The following DSCAM variants were observed in gnomAD, a reference collection of about 807,000 sequenced individuals.
The protein encoded by DSCAM is cell adhesion molecule DSCAM.
In DSCAM, 47 loss-of-function variants were observed where a neutral mutation model predicts 217.7. That is an observed-to-expected ratio of 0.22 (90% CI 0.17 to 0.28). The LOEUF (loss-of-function observed/expected upper bound fraction) is 0.28, where lower values mean the gene tolerates loss of function less well. Among genes scored for constraint, DSCAM ranks in the 10% least tolerant of loss-of-function variants. The pLI, the probability that DSCAM is intolerant of heterozygous loss-of-function variation, is 1.00. For synonymous variants in DSCAM, 1,056 were observed against 1,015.3 expected (o/e 1.04, Z -0.76); for missense variants, 2,080 against 2,618.3 (o/e 0.79, Z 4.49).
At chr21:40,474,192 C>A (rs2075913731) in intron 3 of DSCAM, among the ~76,000 whole-genome samples, 1 of 152,056 alleles carries the variant, frequency 6.6e-6, no homozygotes, top group African/African-American at 2.4e-5. Flanking sequence ...ACTTGGGAGG[C>A]TGAGGCAGGA....
chr21:40,274,365 T>C (rs1445668437), intron 11 of DSCAM, among the ~76,000 whole-genome samples: 1 of 152,222 alleles, frequency 6.6e-6, no homozygotes, highest in African/African-American at 2.4e-5. Context: ...GTGGCTTCTA[T>C]CTTCTTCCTG....
intron 7 of DSCAM, 58 bp downstream of exon 7, chr21:40,339,061 T>A: frequency 6.3e-7 from 1 of 1,585,166 alleles, no homozygotes; most frequent in Non-Finnish European, 8.6e-7. Flanking sequence ...TGCAGAAATC[T>A]TCTTCTCCAC....
intron 3 of DSCAM, among the ~76,000 whole-genome samples, chr21:40,566,363 C>A (rs545984768): frequency 6.6e-6 from 1 of 152,266 alleles, no homozygotes; most frequent in South Asian, 2.1e-4. Flanking sequence ...CTAACATAAT[C>A]AAGAGAATCC....
intron 3 of DSCAM, among the ~76,000 whole-genome samples, chr21:40,434,002 A>G (rs1181417656): frequency 1.3e-5 from 2 of 152,216 alleles, no homozygotes; most frequent in Non-Finnish European, 2.9e-5. Context: ...TTCACCTGGG[A>G]AGGGCCAGTG....
chr21:40,762,693 C>T (rs1202523886), intron 1 of DSCAM, among the ~76,000 whole-genome samples: 2 of 152,196 alleles, frequency 1.3e-5, no homozygotes, highest in Admixed American at 6.5e-5. Context: ...CCCTGATGAA[C>T]ATCGATGCAA....
At chr21:40,455,586 G>C (rs1381146683) in intron 3 of DSCAM, among the ~76,000 whole-genome samples, 1 of 151,990 alleles carries the variant, frequency 6.6e-6, no homozygotes, top group African/African-American at 2.4e-5. Flanking sequence ...GGCCAACATA[G>C]CGAAACCCCG....
intron 20 of DSCAM, among the ~76,000 whole-genome samples, chr21:40,108,425 C>T (rs1035643543): frequency 2.6e-5 from 4 of 152,056 alleles, no homozygotes; most frequent in African/African-American, 9.7e-5. Flanking sequence ...GAATAAAGTA[C>T]CTTGGAATGA....
intron 3 of DSCAM, among the ~76,000 whole-genome samples, chr21:40,453,138 A>G (rs2075735552): frequency 6.6e-6 from 1 of 151,544 alleles, no homozygotes; most frequent in African/African-American, 2.4e-5. Context: ...CACATAAGTA[A>G]TATCACACAC....
At chr21:40,037,142 C>T (rs1207020515) in intron 32 of DSCAM, among the ~76,000 whole-genome samples, 2 of 149,626 alleles carry the variant, frequency 1.3e-5, no homozygotes, top group African/African-American at 2.5e-5. Flanking sequence ...TCCTATTCAA[C>T]ATAGTGTTGG....
At chr21:40,276,075 C>G (rs182873795) in intron 11 of DSCAM, 22 bp downstream of exon 11, 195 of 1,536,124 alleles carry the variant, frequency 1.3e-4, no homozygotes, top group Non-Finnish European at 1.6e-4. Flanking sequence ...CTAGGTAAAA[C>G]GAAGCATTTC....
At chr21:40,368,236 C>T (rs565575618) in intron 4 of DSCAM, among the ~76,000 whole-genome samples, 8 of 152,122 alleles carry the variant, frequency 5.3e-5, no homozygotes, top group Non-Finnish European at 1.0e-4. Flanking sequence ...ACAAAGAGGA[C>T]GTTTTCTAGG....
intron 20 of DSCAM, among the ~76,000 whole-genome samples, chr21:40,117,573 A>C (rs2089985286): frequency 6.6e-6 from 1 of 152,222 alleles, no homozygotes; most frequent in South Asian, 2.1e-4. Flanking sequence ...AACTGATGCA[A>C]AACAGTATTT....
Position 40,353,501 on chromosome 21 carries a change from C to G in DSCAM, c.898G>C (p.Gly300Arg), listed in dbSNP as rs2074656543. Residue 300 changes from glycine to arginine, a missense_variant, in exon 5 of 33, where the codon GGA becomes CGA. Physicochemically the swap from Gly to Arg is moderately radical, Grantham distance 125. Coordinates refer to ENST00000400454, the MANE Select transcript of DSCAM (RefSeq NM_001389.5). ...SYVCEVSNRY[G>R]TAKVIGRLYV... Reference sequence around the variant, plus strand: ...AGGCGGCCTATCACCTTAGCAGTTCCGTATCTGTTGGACACTTCACAAACA... The same window carrying G: ...AGGCGGCCTATCACCTTAGCAGTTCGGTATCTGTTGGACACTTCACAAACA... 6.2e-7 allele frequency: 1 copy of G among 1,611,328 alleles called. No individual in the cohort carries two copies. The highest frequency in any genetic ancestry group is 8.5e-7 in the Non-Finnish European group (1 of 1,179,052).
intron 3 of DSCAM, among the ~76,000 whole-genome samples, chr21:40,568,443 G>T (rs932041951): frequency 3.3e-5 from 5 of 152,140 alleles, no homozygotes; most frequent in Non-Finnish European, 7.3e-5. Context: ...GTCTTAGGGT[G>T]TTTTTTGTCC....
intron 11 of DSCAM, among the ~76,000 whole-genome samples, chr21:40,272,595 G>T (rs1260077320): frequency 6.6e-6 from 1 of 152,170 alleles, no homozygotes; most frequent in Non-Finnish European, 1.5e-5. Flanking sequence ...TCTGTGCAGG[G>T]TTCGCAGGAT....
intron 6 of DSCAM, among the ~76,000 whole-genome samples, chr21:40,342,562 A>G (rs2074504591): frequency 6.8e-6 from 1 of 146,018 alleles, no homozygotes. Context: ...ACATTTATTG[A>G]GTTGTTTCAG....
chr21:40,798,973 A>T (rs2091715747), intron 1 of DSCAM, among the ~76,000 whole-genome samples: 1 of 152,182 alleles, frequency 6.6e-6, no homozygotes, highest in South Asian at 2.1e-4. Flanking sequence ...AGCCTAAGCC[A>T]TTAAAATGTT....
At chr21:40,210,720 T>G (rs950518965) in intron 11 of DSCAM, among the ~76,000 whole-genome samples, 1 of 152,184 alleles carries the variant, frequency 6.6e-6, no homozygotes, top group African/African-American at 2.4e-5. Context: ...AATTTTTGTA[T>G]TTTTAGTGGA....
intron 14 of DSCAM, among the ~76,000 whole-genome samples, chr21:40,185,250 G>A (rs936758640): frequency 6.6e-6 from 1 of 152,236 alleles, no homozygotes; most frequent in Admixed American, 6.5e-5. Flanking sequence ...TAGTAACTGG[G>A]TGGCTCAGGG....
Sources: gnomAD v4.1 joint callset for allele counts (sites outside exome capture counted in the v4.1 genomes callset) on GRCh38, gnomAD v4.1.1 for gene constraint, MANE v1.5 for transcripts, NCBI Gene and HGNC (gene_info 2026-07-23, HGNC 2026-07-21) for gene names.